Variants in GABRA3 observed in about 807,000 individuals in gnomAD.
GABRA3 encodes gamma-aminobutyric acid type A receptor subunit alpha3.
GABRA3 carries 10 observed loss-of-function variants against 30.1 expected under a neutral mutation model. The ratio of observed to expected loss-of-function variants is 0.33; its 90% CI spans 0.20 to 0.56. GABRA3 has a LOEUF of 0.56. Ranked by LOEUF, GABRA3 falls within the 20% of genes least tolerant of loss-of-function variation. The probability of loss-of-function intolerance (pLI) is 0.89; values close to 1 mark genes in which losing one functional copy is unlikely to be tolerated. For missense variants in GABRA3, 233 were observed against 392.0 expected, an observed-to-expected ratio of 0.59 and a Z score of 3.42; for synonymous variants, 151 against 146.8, an observed-to-expected ratio of 1.03 and a Z score of -0.21.
intron 1 of GABRA3, among the ~76,000 whole-genome samples, chrX:152,421,212 T>A (rs190735397): frequency 1.8e-5 from 2 of 110,189 alleles, no homozygotes; most frequent in East Asian, 5.7e-4. Flanking sequence ...TGTCAGTAGG[T>A]TCTTGGAAAC....
chrX:152,208,074 C>T lies in GABRA3; in HGVS notation c.705G>A (p.Gln235=), dbSNP rs1354293239. ...LGKNKSVEVA[Q]DGSRLNQYDL... Reference sequence around the variant, plus strand: ...CATACTGGTTCAAGCGAGAACCATCCTGTGCCACTTCCACGGATTTGTTCT... The same window carrying T: ...CATACTGGTTCAAGCGAGAACCATCTTGTGCCACTTCCACGGATTTGTTCT... Residue 235 remains glutamine (Q), a synonymous_variant, in exon 7 of 10, where the codon CAG becomes CAA. Transcript: ENST00000370314. 2 of 1,209,544 alleles carry T rather than the reference C, an allele frequency of 1.7e-6. No homozygotes were observed. The highest frequency in any genetic ancestry group is 1.8e-5 in the South Asian group (1 of 56,811).
intron 4 of GABRA3, among the ~76,000 whole-genome samples, chrX:152,271,789 T>A (rs778894091): frequency 4.5e-4 from 50 of 111,557 alleles, no homozygotes; most frequent in Non-Finnish European, 7.9e-4. Flanking sequence ...GTCTCAGGAC[T>A]TGGTGTCCTG....
chrX:152,404,395 G>A (rs1414874296), intron 1 of GABRA3, among the ~76,000 whole-genome samples: 1 of 110,759 alleles, frequency 9.0e-6, no homozygotes, highest in East Asian at 2.9e-4. Flanking sequence ...AGTTAGAAAA[G>A]CTTGTAACAA....
chrX:152,227,555 T>A (rs1225196352), intron 5 of GABRA3, among the ~76,000 whole-genome samples: 11 of 105,631 alleles, frequency 1.0e-4, no homozygotes, highest in African/African-American at 2.7e-4. Flanking sequence ...ATATATATAT[T>A]AAAAAAAGTT....
chrX:152,400,384 C>T (rs1929764286), intron 1 of GABRA3, among the ~76,000 whole-genome samples: 1 of 110,678 alleles, frequency 9.0e-6, no homozygotes, highest in Non-Finnish European at 1.9e-5. Context: ...TGACACGTGC[C>T]TGTAGTCCCA....
chrX:152,259,617 C>T (rs908362851), intron 4 of GABRA3, among the ~76,000 whole-genome samples: 1 of 111,261 alleles, frequency 9.0e-6, no homozygotes, highest in Non-Finnish European at 1.9e-5. Flanking sequence ...GGTGACATTT[C>T]TAGAAACACA....
chrX:152,216,205 G>A lies in GABRA3; in HGVS notation c.635-8061C>T, dbSNP rs373454221. Among the ~76,000 whole-genome samples, 13 of 110,399 alleles carry A rather than the reference G, an allele frequency of 1.2e-4. No individual in the cohort carries two copies. In the South Asian group the frequency reaches 3.8e-3, roughly 32 times the overall value. On this transcript the variant is annotated intron_variant, in intron 6 of 9. Transcript: ENST00000370314. ...GAGTTTCCTCAAAAAATTAAAAACC[G>A]AATTACCATAATATCCAGCAATTCC...
chrX:152,388,584 A>C (rs1929390829), intron 1 of GABRA3, among the ~76,000 whole-genome samples: 1 of 112,309 alleles, frequency 8.9e-6, no homozygotes, highest in Non-Finnish European at 1.9e-5. Context: ...CTAAATTTGC[A>C]ATGGTAAATA....
intron 3 of GABRA3, among the ~76,000 whole-genome samples, chrX:152,292,658 T>C (rs1466561034): frequency 8.9e-6 from 1 of 112,171 alleles, no homozygotes; most frequent in African/African-American, 3.2e-5. Context: ...TGATTTTAGA[T>C]CTTTCCTGCT....
intron 4 of GABRA3, among the ~76,000 whole-genome samples, chrX:152,283,865 A>G (rs1191833740): frequency 1.8e-5 from 2 of 112,434 alleles, no homozygotes; most frequent in Admixed American, 9.5e-5. Context: ...TGCTTGCAAC[A>G]CAAAGTCAGT....
At chrX:152,396,099 T>C (rs746111683) in intron 1 of GABRA3, among the ~76,000 whole-genome samples, 255 of 111,592 alleles carry the variant, frequency 2.3e-3, no homozygotes, top group African/African-American at 8.2e-3. Flanking sequence ...TGGATTAGGG[T>C]CAGCCCTAAA....
At chrX:152,360,456 C>A (rs1235045568) in intron 2 of GABRA3, among the ~76,000 whole-genome samples, 44 of 100,567 alleles carry the variant, frequency 4.4e-4, no homozygotes, top group African/African-American at 1.6e-3. Flanking sequence ...AACAAAAAAC[C>A]AAACACCGCA....
At chrX:152,264,426 A>C (rs764824220) in intron 4 of GABRA3, among the ~76,000 whole-genome samples, 9 of 111,676 alleles carry the variant, frequency 8.1e-5, no homozygotes, top group Admixed American at 6.7e-4. Flanking sequence ...CATCAGCTTA[A>C]ATAACGGGGC....
At chrX:152,290,740 A>C (rs1939396338) in intron 3 of GABRA3, among the ~76,000 whole-genome samples, 1 of 112,117 alleles carries the variant, frequency 8.9e-6, no homozygotes, top group Non-Finnish European at 1.9e-5. Flanking sequence ...ATGGCTAGCC[A>C]GTTTTCCCAG....
intron 1 of GABRA3, among the ~76,000 whole-genome samples, chrX:152,443,155 A>T (rs1186168049): frequency 8.9e-6 from 1 of 112,068 alleles, no homozygotes. Flanking sequence ...TACAAATTTA[A>T]AAAAATGTAA....
intron 3 of GABRA3, among the ~76,000 whole-genome samples, chrX:152,336,672 GA>G (rs1237335864): frequency 8.9e-6 from 1 of 111,956 alleles, no homozygotes; most frequent in Non-Finnish European, 1.9e-5. Flanking sequence ...TTAATAAAGA[GA>G]AAAGCACTTT....
chrX:152,295,655 G>A (rs985987038), intron 3 of GABRA3, among the ~76,000 whole-genome samples: 55 of 112,471 alleles, frequency 4.9e-4, no homozygotes, highest in African/African-American at 1.7e-3. Context: ...GCACATCCTC[G>A]GTGAGGCAAT....
intron 1 of GABRA3, among the ~76,000 whole-genome samples, chrX:152,449,066 C>T (rs1311807012): frequency 2.7e-5 from 3 of 112,203 alleles, no homozygotes; most frequent in East Asian, 2.8e-4. Context: ...TAATCCTTTA[C>T]TCTGTGGTCT....
chrX:152,291,871 C>A (rs953367160), intron 3 of GABRA3, among the ~76,000 whole-genome samples: 2 of 111,900 alleles, frequency 1.8e-5, no homozygotes, highest in Non-Finnish European at 1.9e-5. Context: ...CCAACTTCAT[C>A]GTGGCGGATA....
Sources: allele counts gnomAD v4.1 joint callset (sites outside exome capture counted in the v4.1 genomes callset), GRCh38; gene constraint gnomAD v4.1.1; transcripts MANE v1.5; gene names NCBI Gene and HGNC (gene_info 2026-07-23, HGNC 2026-07-21).